Variants in CSMD1 observed in about 807,000 individuals in gnomAD.
CSMD1 encodes the protein CUB and Sushi multiple domains 1.
In CSMD1, 213 loss-of-function variants were observed where a neutral mutation model predicts 417.5. The ratio of observed to expected loss-of-function variants is 0.51; its 90% CI spans 0.46 to 0.57. CSMD1 has a LOEUF of 0.57. CSMD1 is among the 20% of genes least tolerant of loss of function. CSMD1 has a pLI of 0.00. For missense variants in CSMD1, 6,923 were observed against 4,529.7 expected (o/e 1.53, Z -15.17); for synonymous variants, 2,862 against 1,736.8 (o/e 1.65, Z -16.11).
chr8:4,046,469 T>G (rs1419180022), intron 3 of CSMD1, among the ~76,000 whole-genome samples: 1 of 152,230 alleles, frequency 6.6e-6, no homozygotes, highest in Non-Finnish European at 1.5e-5. Flanking sequence ...TCAAGCTTCA[T>G]GAAAAGAGTC....
intron 5 of CSMD1, among the ~76,000 whole-genome samples, chr8:3,917,616 T>TTATC (rs533024677): frequency 6.6e-6 from 1 of 152,188 alleles, no homozygotes; most frequent in Admixed American, 6.5e-5. Flanking sequence ...ATATTTATAT[T>TTATC]TTACCTTTTT....
At chr8:3,180,836 G>C (rs1039994668) in intron 37 of CSMD1, among the ~76,000 whole-genome samples, 1 of 151,830 alleles carries the variant, frequency 6.6e-6, no homozygotes, top group Non-Finnish European at 1.5e-5. Context: ...TAGAGACGGG[G>C]TTTCTCCGTG....
rs544098502 is a variant in CSMD1 at position 4,324,243 on chromosome 8, C to G, written c.415+95710G>C. Among the ~76,000 whole-genome samples the G allele has an allele frequency of 6.6e-5, 10 of 152,310 alleles. No homozygotes were observed. The South Asian group carries it at 1.9e-3, about 28-fold the overall frequency. On this transcript the variant is annotated intron_variant, in intron 3 of 69. Transcript: ENST00000635120. ...TGCATCTGCAGAGATTTCCCTACACCAAGAATGTGAGTTCTGAGACCTTTT... is the reference window on the plus strand; with the variant it reads ...TGCATCTGCAGAGATTTCCCTACACGAAGAATGTGAGTTCTGAGACCTTTT...
chr8:3,986,328 G>A (rs928418776), intron 5 of CSMD1, among the ~76,000 whole-genome samples: 1 of 152,100 alleles, frequency 6.6e-6, no homozygotes, highest in Non-Finnish European at 1.5e-5. Context: ...CCCTTCTAGG[G>A]TGTTCATTGA....
intron 3 of CSMD1, among the ~76,000 whole-genome samples, chr8:4,109,700 T>C (rs1275332023): frequency 2.6e-5 from 4 of 152,168 alleles, no homozygotes; most frequent in Admixed American, 6.6e-5. Context: ...CTCCGAGGCA[T>C]ATGATGCTAT....
intron 5 of CSMD1, among the ~76,000 whole-genome samples, chr8:3,815,822 T>C (rs374671668): frequency 2.6e-5 from 4 of 152,278 alleles, no homozygotes; most frequent in African/African-American, 9.6e-5. Flanking sequence ...GTCTAAATTC[T>C]AGCCTTTGAA....
chr8:2,939,733 T>C (rs1801732498), intron 69 of CSMD1, among the ~76,000 whole-genome samples: 1 of 152,340 alleles, frequency 6.6e-6, no homozygotes, highest in Middle Eastern at 3.4e-3. Flanking sequence ...ACGTGGCACA[T>C]GGCTCTGAGA....
chr8:3,064,459 C>T (rs1292005659), intron 49 of CSMD1, among the ~76,000 whole-genome samples: 1 of 152,162 alleles, frequency 6.6e-6, no homozygotes, highest in Non-Finnish European at 1.5e-5. Flanking sequence ...TGAGGCCTCC[C>T]AGCCACGTTT....
At chr8:4,047,017 G>A (rs1302836638) in intron 3 of CSMD1, among the ~76,000 whole-genome samples, 1 of 152,178 alleles carries the variant, frequency 6.6e-6, no homozygotes, top group African/African-American at 2.4e-5. Flanking sequence ...TAGCCCTATA[G>A]GGTTGTGACA....
chr8:3,326,009 C>T (rs1806505942), intron 23 of CSMD1, among the ~76,000 whole-genome samples: 1 of 152,184 alleles, frequency 6.6e-6, no homozygotes, highest in Non-Finnish European at 1.5e-5. Flanking sequence ...CCTAGACTGA[C>T]ATGACCTCTG....
intron 3 of CSMD1, among the ~76,000 whole-genome samples, chr8:4,337,505 A>G (rs938027876): frequency 1.3e-5 from 2 of 152,224 alleles, no homozygotes; most frequent in East Asian, 1.9e-4. Context: ...TATTCTAAGG[A>G]TAATTAATAC....
intron 23 of CSMD1, among the ~76,000 whole-genome samples, chr8:3,340,233 C>T (rs1443330880): frequency 6.6e-6 from 1 of 152,176 alleles, no homozygotes; most frequent in Non-Finnish European, 1.5e-5. Context: ...TATCTGAAGA[C>T]TCGGTTTTTA....
At chr8:4,427,000 C>A (rs961293083) in intron 2 of CSMD1, among the ~76,000 whole-genome samples, 1 of 151,958 alleles carries the variant, frequency 6.6e-6, no homozygotes, top group Non-Finnish European at 1.5e-5. Context: ...ATTTAGATAT[C>A]AAGAAGTGAT....
At chr8:3,758,981 C>G (rs956535557) in intron 5 of CSMD1, among the ~76,000 whole-genome samples, 1 of 152,184 alleles carries the variant, frequency 6.6e-6, no homozygotes, top group African/African-American at 2.4e-5. Context: ...TCTTGGCTGA[C>G]AAGAAAGCTG....
chr8:3,098,688 T>C (rs113933172), intron 46 of CSMD1, among the ~76,000 whole-genome samples: 2,258 of 152,266 alleles, frequency 0.015, 58 homozygotes, highest in African/African-American at 0.049. Context: ...AAAGTTAATG[T>C]GATATTTTAA....
At chr8:3,172,181 T>A (rs1451397634) in intron 37 of CSMD1, among the ~76,000 whole-genome samples, 1 of 152,214 alleles carries the variant, frequency 6.6e-6, no homozygotes, top group Non-Finnish European at 1.5e-5. Context: ...GCCCCCTTTT[T>A]CAACCTTCTT....
At position 3,997,969 on chromosome 8, in the gene CSMD1, G is replaced by C; in HGVS notation, c.752C>G (p.Thr251Ser). 4 of 1,611,592 alleles carry C rather than the reference G, an allele frequency of 2.5e-6. No individual in the cohort carries two copies. Among genetic ancestry groups the C allele is most frequent in the Non-Finnish European group, 3.4e-6 (4 of 1,178,838 alleles). Residue 251 changes from threonine to serine, a missense_variant, in exon 5 of 70, where the codon ACT becomes AGT. Thr to Ser is a moderately conservative substitution (Grantham distance 58). Transcript: ENST00000635120. ...EPGDTIALVFTDFQLEEGYDF... is the reference protein window; with the variant it reads ...EPGDTIALVFSDFQLEEGYDF... ...ATATCCTTCTTCTAGCTGAAAGTCA[G>C]TGAAGACCAGCGCAATGGTGTCCCC...
chr8:4,123,931 A>G (rs1457177789), intron 3 of CSMD1, among the ~76,000 whole-genome samples: 2 of 152,186 alleles, frequency 1.3e-5, no homozygotes, highest in African/African-American at 2.4e-5. Context: ...GAAGTTTCTT[A>G]TTTGTCAATT....
intron 3 of CSMD1, among the ~76,000 whole-genome samples, chr8:4,120,560 C>T (rs1020047612): frequency 1.4e-4 from 21 of 152,188 alleles, no homozygotes; most frequent in Admixed American, 5.9e-4. Context: ...CCAAAACTGG[C>T]GACCGGGAGG....
Sources: allele counts gnomAD v4.1 joint callset (sites outside exome capture counted in the v4.1 genomes callset), GRCh38; gene constraint gnomAD v4.1.1; transcripts MANE v1.5; gene names NCBI Gene and HGNC (gene_info 2026-07-23, HGNC 2026-07-21).